NECTIN1: variants seen among roughly 807,000 people sequenced by gnomAD.
The protein encoded by NECTIN1 is nectin-1.
NECTIN1 carries 23 observed loss-of-function variants against 48.0 expected under a neutral mutation model. That is an observed-to-expected ratio of 0.48 (90% CI 0.34 to 0.68). The LOEUF (loss-of-function observed/expected upper bound fraction) is 0.68. Among genes scored for constraint, NECTIN1 ranks in the 30% least tolerant of loss-of-function variants. The pLI is 0.01. For synonymous variants in NECTIN1, 270 were observed against 288.9 expected (o/e 0.93, Z 0.66); for missense variants, 591 against 709.9 (o/e 0.83, Z 1.90).
In NECTIN1 at chr11:119,665,242, G is replaced by C. The variant is rs1490418268; in HGVS notation, c.1059C>G (p.Pro353=). The C allele has an allele frequency of 6.2e-7, 1 of 1,600,992 alleles. No homozygotes were observed. The highest frequency in any genetic ancestry group is 1.1e-5 in the South Asian group (1 of 90,984). The change falls in exon 6 of 6, where the codon CCC becomes CCG. Residue 353 remains proline (P), a synonymous_variant. Transcript: ENST00000264025. This position sits in a 1 kb window ranked among gnomAD's most constrained non-coding sequence, Gnocchi z 5.1. ...PEHGRRAGPV[P]TAIIGGVAGS... ...CCGCCACGCCCCCAATGATGGCCGTGGGCACCGGCCCGGCGCGCCGCCCAT... is the reference window on the plus strand; with the variant it reads ...CCGCCACGCCCCCAATGATGGCCGTCGGCACCGGCCCGGCGCGCCGCCCAT...
In NECTIN1 at chr11:119,708,396, G is replaced by A. The variant is rs532978761; in HGVS notation, c.79+20079C>T. Among the ~76,000 whole-genome samples the A allele has an allele frequency of 8.5e-4, 129 of 152,264 alleles. 1 individual carries two copies. In the Middle Eastern group the frequency reaches 0.014, roughly 16 times the overall value. The stretch of plus-strand genomic sequence containing the variant: ...TAAAAGGGCTTTGTATTAGATGAGG[G>A]TCTGAACTTCACCTTGTAGGCAACT... On this transcript the variant is annotated intron_variant, in intron 1 of 5. Transcript: ENST00000264025.
chr11:119,685,046 A>G (rs1426674312), intron 1 of NECTIN1, among the ~76,000 whole-genome samples: 1 of 152,120 alleles, frequency 6.6e-6, no homozygotes, highest in Non-Finnish European at 1.5e-5. Context: ...TGCTCCAGCC[A>G]CCTTTCCCTG....
Position 119,728,388 on chromosome 11 carries a change from C to T in NECTIN1, c.79+87G>A, listed in dbSNP as rs557186830. On this transcript the variant is annotated intron_variant, in intron 1 of 5. Transcript: ENST00000264025. ...CAACTTTTCTGGCTCCTTTCACTCCCCACAATCCAGTCGTGCCCGCCATCC... is the reference window on the plus strand; with the variant it reads ...CAACTTTTCTGGCTCCTTTCACTCCTCACAATCCAGTCGTGCCCGCCATCC... 22 of 1,344,028 alleles carry T rather than the reference C, an allele frequency of 1.6e-5. No individual in the cohort carries two copies. In the African/African-American group the frequency reaches 2.6e-4, roughly 16 times the overall value. The allele number at this position is 1,344,028 out of a possible 1,614,324, so 83.3% of individuals were successfully genotyped here.
rs765582440 is a variant in NECTIN1, at chr11:119,664,704, G to A, written c.*43C>T. On this transcript the variant is annotated 3_prime_UTR_variant, in exon 6 of 6. Coordinates refer to ENST00000264025, the MANE Select transcript of NECTIN1 (RefSeq NM_002855.5). ...GGTGGGCAGGGGGCGTGCGGGGAGGGGCTGGGGAGGAGCGGTCACAGACAG... is the reference window on the plus strand; with the variant it reads ...GGTGGGCAGGGGGCGTGCGGGGAGGAGCTGGGGAGGAGCGGTCACAGACAG... 1 of 1,536,392 alleles carries A rather than the reference G, an allele frequency of 6.5e-7. No individual in the cohort carries two copies. Among genetic ancestry groups the A allele is most frequent in the Non-Finnish European group, 8.8e-7 (1 of 1,137,216 alleles).
intron 6 of NECTIN1, among the ~76,000 whole-genome samples, chr11:119,638,992 G>T (rs1379966037): frequency 6.6e-6 from 1 of 152,012 alleles, no homozygotes; most frequent in Non-Finnish European, 1.5e-5. Context: ...TGGGTTACAG[G>T]CTGAGAGTGC....
At chr11:119,656,820 G>A (rs1482542044), downstream of NECTIN1, among the ~76,000 whole-genome samples, 1 of 152,220 alleles carries the variant, frequency 6.6e-6, no homozygotes, top group Non-Finnish European at 1.5e-5. Flanking sequence ...TAGGGGAACT[G>A]CCACCTTCCT....
chr11:119,720,079 T>C (rs1865802810), intron 1 of NECTIN1, among the ~76,000 whole-genome samples: 1 of 152,120 alleles, frequency 6.6e-6, no homozygotes, highest in African/African-American at 2.4e-5. Context: ...CCCCCTCAGA[T>C]GTGCTTTAGG....
Position 119,677,562 on chromosome 11 carries a change from G to A in NECTIN1, c.726C>T (p.Asn242=), listed in dbSNP as rs149433037. The change falls in exon 3 of 6, where the codon AAC becomes AAT. Residue 242 remains asparagine, a synonymous_variant. Transcript: ENST00000264025. The surrounding 1 kb of genome is among the most constrained non-coding windows in gnomAD (Gnocchi z 5.4). ...GCAGCCAGCCCTGCTCACACTGCAC[G>A]TTGAGAGTGAGGCTTTCCTTGAAGC... ...MDRFKESLTL[N]VQYEPEVTIE... is the part of the protein sequence containing the mutation. The A allele has an allele frequency of 3.2e-5, 52 of 1,612,542 alleles. No homozygotes were observed. Among genetic ancestry groups the A allele is most frequent in the Non-Finnish European group, 4.1e-5 (48 of 1,180,030 alleles).
intron 1 of NECTIN1, among the ~76,000 whole-genome samples, chr11:119,700,489 C>T (rs1865432609): frequency 6.6e-6 from 1 of 152,188 alleles, no homozygotes; most frequent in Non-Finnish European, 1.5e-5. Context: ...GTTGATCCTT[C>T]CTTCAGGTTC....
At position 119,639,963 on chromosome 11, in the gene NECTIN1, C is replaced by G. The variant is rs141063530; in HGVS notation, c.1053G>C (p.Ala351=). ...GGATGAGGAACACGGCCACGGTGCCCGCCAGGAGCCTGGCTGCACTTCCCA... is the reference window on the plus strand; with the variant it reads ...GGATGAGGAACACGGCCACGGTGCCGGCCAGGAGCCTGGCTGCACTTCCCA... Residue 351 remains alanine (A), a synonymous_variant, in exon 6 of 8, where the codon GCG becomes GCC. Coordinates refer to the NECTIN1 transcript ENST00000341398. 640 of 1,613,994 alleles carry G rather than the reference C, an allele frequency of 4.0e-4. 1 individual carries two copies. The highest frequency in any genetic ancestry group is 5.2e-4 in the Non-Finnish European group (610 of 1,179,928).
exon 8 of NECTIN1, chr11:119,638,169 A>C: frequency 6.2e-7 from 1 of 1,613,968 alleles, no homozygotes; most frequent in South Asian, 1.1e-5. Context: ...CCCAGATCAT[A>C]GTAGGGGGGC....
rs575486106 is a variant in NECTIN1 at position 119,648,667 on chromosome 11, A to G, written c.1004-8655T>C. On this transcript the variant is annotated intron_variant, in intron 5 of 7. Coordinates refer to the NECTIN1 transcript ENST00000341398. ...CAGCTATGTTCCAGGGTCCCAGCCA[A>G]TGAAACCCCTGGGGCAGAGCCCAGG... is the stretch of plus-strand genomic sequence containing the variant. Among the ~76,000 whole-genome samples the G allele has an allele frequency of 2.0e-5, 3 of 152,094 alleles. No individual in the cohort carries two copies. In the South Asian group the frequency reaches 6.2e-4, roughly 32 times the overall value.
At chr11:119,674,386 G>C in intron 5 of NECTIN1, 1 of 1,499,022 alleles carries the variant, frequency 6.7e-7, no homozygotes, top group South Asian at 1.3e-5. Flanking sequence ...ATGGAGGTCA[G>C]GGTAATAATC....
chr11:119,639,741 A>T (rs1475314496), intron 6 of NECTIN1: 1 of 1,297,610 alleles, frequency 7.7e-7, no homozygotes, highest in African/African-American at 1.5e-5. Flanking sequence ...CTGGTCCCCC[A>T]GGGTGGGGAG....
chr11:119,694,284 G>A (rs1280449463), intron 1 of NECTIN1, among the ~76,000 whole-genome samples: 1 of 152,186 alleles, frequency 6.6e-6, no homozygotes, highest in Non-Finnish European at 1.5e-5. Context: ...GAGCCTGGAT[G>A]GCTTGGCTCC....
chr11:119,650,750 G>T (rs1864479086), intron 5 of NECTIN1, among the ~76,000 whole-genome samples: 1 of 152,178 alleles, frequency 6.6e-6, no homozygotes, highest in African/African-American at 2.4e-5. Context: ...ATGTCTTCAT[G>T]TCCCTGTGTT....
At chr11:119,699,090 A>G (rs1261062761) in intron 1 of NECTIN1, among the ~76,000 whole-genome samples, 1 of 152,102 alleles carries the variant, frequency 6.6e-6, no homozygotes, top group Non-Finnish European at 1.5e-5. Flanking sequence ...TATGTTTTTC[A>G]GGTAGGGGCC....
chr11:119,638,841 G>T, intron 6 of NECTIN1: 1 of 1,568,176 alleles, frequency 6.4e-7, no homozygotes, highest in Non-Finnish European at 8.8e-7. Context: ...CAGCACAGGA[G>T]CACACATGGG....
chr11:119,638,654 T>A (rs1864272667), intron 7 of NECTIN1: 2 of 1,334,338 alleles, frequency 1.5e-6, no homozygotes, highest in Non-Finnish European at 2.1e-6. Flanking sequence ...CAGCTTGGGC[T>A]CTCTCCTTGG....
Sources: allele counts gnomAD v4.1 joint callset (sites outside exome capture counted in the v4.1 genomes callset), GRCh38; gene constraint gnomAD v4.1.1; non-coding constraint Gnocchi (gnomAD v3.1); transcripts MANE v1.5; gene names NCBI Gene and HGNC (gene_info 2026-07-23, HGNC 2026-07-21).